The following LRMDA variants were observed in gnomAD, a reference collection of about 807,000 sequenced individuals.
LRMDA encodes the protein leucine-rich melanocyte differentiation-associated protein.
In LRMDA, 18 loss-of-function variants were observed where a neutral mutation model predicts 29.8. The ratio of observed to expected loss-of-function variants is 0.60; its 90% CI spans 0.42 to 0.90. The LOEUF is 0.90. LRMDA is among the 40% of genes least tolerant of loss of function. LRMDA has a pLI of 0.00. For synonymous variants in LRMDA, 125 were observed against 109.4 expected, an observed-to-expected ratio of 1.14 and a Z score of -0.89; for missense variants, 273 against 273.9, an observed-to-expected ratio of 1.00 and a Z score of 0.02.
chr10:76,264,081 T>C (rs937044169), intron 5 of LRMDA, among the ~76,000 whole-genome samples: 1 of 152,104 alleles, frequency 6.6e-6, no homozygotes, highest in Non-Finnish European at 1.5e-5. Context: ...CAGTAATTTG[T>C]TCATTTACCT....
intron 2 of LRMDA, among the ~76,000 whole-genome samples, chr10:75,883,741 T>C (rs1314903645): frequency 6.6e-6 from 1 of 151,628 alleles, no homozygotes; most frequent in Non-Finnish European, 1.5e-5. Context: ...AGAGGATCAT[T>C]ATATTCAATT....
At chr10:76,172,914 T>A (rs184779774) in intron 5 of LRMDA, among the ~76,000 whole-genome samples, 29 of 152,202 alleles carry the variant, frequency 1.9e-4, no homozygotes, top group African/African-American at 6.5e-4. Context: ...ACATGAGAAA[T>A]ATGACCCAAA....
chr10:75,476,869 A>G (rs971324182), intron 2 of LRMDA, among the ~76,000 whole-genome samples: 1 of 151,934 alleles, frequency 6.6e-6, no homozygotes, highest in Non-Finnish European at 1.5e-5. Flanking sequence ...AGGAGAATTG[A>G]TTTCTTCTGA....
chr10:76,018,567 G>GTTTT (rs765340066), intron 2 of LRMDA, among the ~76,000 whole-genome samples: 10 of 131,948 alleles, frequency 7.6e-5, no homozygotes, highest in South Asian at 2.6e-4. Flanking sequence ...GGCTTCTGAA[G>GTTTT]TTTTTTTTTT....
intron 2 of LRMDA, among the ~76,000 whole-genome samples, chr10:75,683,316 G>A (rs947495142): frequency 1.1e-4 from 16 of 152,166 alleles, no homozygotes; most frequent in Admixed American, 9.8e-4. Flanking sequence ...TCGTCTCAGC[G>A]TCAGTTAGAC....
chr10:75,487,716 A>C (rs1049120916), intron 2 of LRMDA, among the ~76,000 whole-genome samples: 2 of 152,196 alleles, frequency 1.3e-5, no homozygotes, highest in Admixed American at 6.5e-5. Flanking sequence ...TCCACAAGCC[A>C]GTGCTGTCTC....
intron 2 of LRMDA, among the ~76,000 whole-genome samples, chr10:75,693,692 G>A (rs1432435296): frequency 1.3e-5 from 2 of 152,156 alleles, no homozygotes; most frequent in Admixed American, 6.5e-5. Flanking sequence ...ATGACTTAAT[G>A]CGCCTTATTC....
chr10:76,341,543 C>A (rs548590860), intron 6 of LRMDA, among the ~76,000 whole-genome samples: 1 of 152,188 alleles, frequency 6.6e-6, no homozygotes, highest in African/African-American at 2.4e-5. Context: ...TAACAAATTA[C>A]CCTCAAATTT....
chr10:76,383,656 TCCTGACCTCATGATCCAC>T (rs1841623393), intron 6 of LRMDA, among the ~76,000 whole-genome samples: 1 of 150,792 alleles, frequency 6.6e-6, no homozygotes, highest in Non-Finnish European at 1.5e-5. Context: ...GGTCTCGATC[TCCTGACCTCATGATCCAC>T]CCGACTCGGC....
At chr10:75,826,545 T>G (rs1200728691) in intron 2 of LRMDA, among the ~76,000 whole-genome samples, 1 of 152,204 alleles carries the variant, frequency 6.6e-6, no homozygotes, top group Non-Finnish European at 1.5e-5. Flanking sequence ...GTGGAGCTCT[T>G]TCTTTTAAAC....
At chr10:75,893,918 C>T (rs958236357) in intron 2 of LRMDA, among the ~76,000 whole-genome samples, 6 of 136,792 alleles carry the variant, frequency 4.4e-5, no homozygotes. Context: ...GGGTGACAGA[C>T]TGACTCCGTC....
chr10:76,218,583 A>G (rs924971565), intron 5 of LRMDA, among the ~76,000 whole-genome samples: 1 of 152,214 alleles, frequency 6.6e-6, no homozygotes, highest in Non-Finnish European at 1.5e-5. Context: ...AAGAGGCACC[A>G]TGGTTTTTTT....
chr10:75,605,844 C>T (rs1840949356), intron 2 of LRMDA, among the ~76,000 whole-genome samples: 2 of 152,118 alleles, frequency 1.3e-5, no homozygotes, highest in South Asian at 2.1e-4. Flanking sequence ...CGTCTCACCT[C>T]CTCCCAAATA....
intron 2 of LRMDA, among the ~76,000 whole-genome samples, chr10:75,824,422 G>A (rs1844215727): frequency 6.6e-6 from 1 of 152,194 alleles, no homozygotes; most frequent in Non-Finnish European, 1.5e-5. Flanking sequence ...TATAGTGGCA[G>A]AGTTGACTAG....
intron 6 of LRMDA, chr10:76,470,255 CAAA>C (rs1360403611): frequency 6.6e-6 from 1 of 151,834 alleles, no homozygotes; most frequent in African/African-American, 2.4e-5. Flanking sequence ...CACGAATAAA[CAAA>C]AAGCACCAGT....
At chr10:76,392,833 T>C (rs549855207) in intron 6 of LRMDA, among the ~76,000 whole-genome samples, 22 of 152,268 alleles carry the variant, frequency 1.4e-4, no homozygotes, top group African/African-American at 5.3e-4. Context: ...ACCAATATCT[T>C]CCCAACTTAC....
chr10:76,465,541 G>A (rs889421890), intron 6 of LRMDA, among the ~76,000 whole-genome samples: 2 of 152,144 alleles, frequency 1.3e-5, no homozygotes, highest in African/African-American at 4.8e-5. Context: ...GAAAGTGAAG[G>A]ATGTGTCTAA....
intron 6 of LRMDA, among the ~76,000 whole-genome samples, chr10:76,358,737 C>T (rs1347730359): frequency 6.6e-6 from 1 of 152,184 alleles, no homozygotes; most frequent in African/African-American, 2.4e-5. Context: ...CAGTGCAAAA[C>T]ATGAATATTT....
intron 6 of LRMDA, among the ~76,000 whole-genome samples, chr10:76,341,275 C>T (rs1406669912): frequency 4.6e-5 from 7 of 151,984 alleles, no homozygotes; most frequent in East Asian, 3.9e-4. Flanking sequence ...AATAAAGTGC[C>T]AATATTCATG....
Sources: allele counts gnomAD v4.1 joint callset (sites outside exome capture counted in the v4.1 genomes callset), GRCh38; gene constraint gnomAD v4.1.1; transcripts MANE v1.5; gene names NCBI Gene and HGNC (gene_info 2026-07-23, HGNC 2026-07-21).